Variants in DNM1 observed in about 807,000 individuals in gnomAD.
The protein encoded by DNM1 is dynamin-1.
Under a neutral mutation model 104.6 loss-of-function variants are expected in DNM1, and 29 were observed. The ratio of observed to expected loss-of-function variants is 0.28; its 90% CI spans 0.21 to 0.38. DNM1 has a LOEUF of 0.38. Among genes scored for constraint, DNM1 ranks in the 10% least tolerant of loss-of-function variants. The probability of loss-of-function intolerance (pLI) is 1.00; values close to 1 mark genes in which losing one functional copy is unlikely to be tolerated. For missense variants in DNM1, 640 were observed against 1,189.4 expected (o/e 0.54, Z 6.79); for synonymous variants, 445 against 475.8 (o/e 0.94, Z 0.84).
chr9:128,224,431 G>A lies in DNM1; in HGVS notation c.1335+42G>A, dbSNP rs765518541. ...GGCCAGCCCCCACCGCCTCTGCCCC[G>A]CCCTGCACTGCTGCCAGGCGCTCCT... On this transcript the variant is annotated intron_variant, in intron 10 of 21. Transcript: ENST00000372923. The surrounding 1 kb of genome is among the most constrained non-coding windows in gnomAD (Gnocchi z 4.3). The A allele has an allele frequency of 1.2e-5, 19 of 1,567,516 alleles. No homozygotes were observed. Among genetic ancestry groups the A allele is most frequent in the African/African-American group, 9.5e-5 (7 of 73,954 alleles).
chr9:128,210,123 G>T (rs955603773), intron 1 of DNM1, among the ~76,000 whole-genome samples: 4 of 152,016 alleles, frequency 2.6e-5, no homozygotes, highest in Non-Finnish European at 5.9e-5. Flanking sequence ...TTGGCTCACT[G>T]CAGCCTTGAC....
intron 10 of DNM1, among the ~76,000 whole-genome samples, chr9:128,226,410 G>A (rs2131191093): frequency 6.6e-6 from 1 of 152,372 alleles, no homozygotes; most frequent in South Asian, 2.1e-4. Context: ...TAGTGATGAA[G>A]ATGATGTTAA....
At chr9:128,204,514 GGAA>G (rs1833777990) in intron 1 of DNM1, 1 of 152,306 alleles carries the variant, frequency 6.6e-6, no homozygotes, top group African/African-American at 2.4e-5. Context: ...GGCGGAGAGA[GGAA>G]CAACCGCAAA....
Position 128,253,976 on chromosome 9 carries a change from C to A in DNM1, c.2535-678C>A. On this transcript the variant is annotated intron_variant, in intron 21 of 21. Transcript: ENST00000372923. The surrounding 1 kb of genome is among the most constrained non-coding windows in gnomAD (Gnocchi z 5.9). ...GTGAGCCCACCCCCCATTCTCCTGC[C>A]ACTGACTCTCGCTCTTCTGCTTTTC... 1.6e-6 allele frequency: 2 copies of A among 1,233,794 alleles called. No individual in the cohort carries two copies. The highest frequency in any genetic ancestry group is 2.0e-6 in the Non-Finnish European group (2 of 989,258). The allele number at this position is 1,233,794 out of a possible 1,614,324, so 76.4% of individuals were successfully genotyped here.
Position 128,247,465 on chromosome 9 carries a change from C to A in DNM1, c.1872C>A (p.Gly624=). 6.2e-7 allele frequency: 1 copy of A among 1,613,076 alleles called. No individual in the cohort carries two copies. Among genetic ancestry groups the A allele is most frequent in the Non-Finnish European group, 8.5e-7 (1 of 1,179,308 alleles). The part of the protein sequence containing the change: ...DSWKASFLRA[G]VYPERVGDKE... Reference sequence around the variant, plus strand: ...GGAAGGCCTCCTTCCTGAGGGCTGGCGTGTACCCTGAGCGTGTTGGGGTGA... The same window carrying A: ...GGAAGGCCTCCTTCCTGAGGGCTGGAGTGTACCCTGAGCGTGTTGGGGTGA... Residue 624 remains glycine, a synonymous_variant, in exon 17 of 22, where the codon GGC becomes GGA. Transcript: ENST00000372923. The surrounding 1 kb of genome is among the most constrained non-coding windows in gnomAD (Gnocchi z 5.1).
chr9:128,248,882 C>A lies in DNM1; in HGVS notation c.2076+129C>A. On this transcript the variant is annotated intron_variant, in intron 19 of 21. Transcript: ENST00000372923. The surrounding 1 kb of genome is among the most constrained non-coding windows in gnomAD (Gnocchi z 5.6). ...CCAGGGAGGGAGGCACGGTCCAGAC[C>A]AGAGCTGTCCAATAGAAATATCATG... is the stretch of plus-strand genomic sequence containing the variant. The A allele has an allele frequency of 1.0e-6, 1 of 988,182 alleles. No homozygotes were observed. The highest frequency in any genetic ancestry group is 1.5e-6 in the Non-Finnish European group (1 of 661,296). The allele number at this position is 988,182 out of a possible 1,614,324, so 61.2% of individuals were successfully genotyped here. A position where few individuals can be genotyped will look rare whatever the true frequency, so the allele number is the denominator to read the frequency against.
chr9:128,237,640 G>A, intron 11 of DNM1, among the ~76,000 whole-genome samples: 1 of 152,186 alleles, frequency 6.6e-6, no homozygotes. Context: ...TTCACCCTCA[G>A]ATGGCCACTG....
intron 1 of DNM1, among the ~76,000 whole-genome samples, chr9:128,209,756 T>C (rs1834180090): frequency 6.6e-6 from 1 of 152,182 alleles, no homozygotes; most frequent in Admixed American, 6.5e-5. Context: ...AGGACCCACC[T>C]TGGGCCTGGG....
chr9:128,211,498 T>C (rs924759810), intron 1 of DNM1, among the ~76,000 whole-genome samples: 303 of 103,868 alleles, frequency 2.9e-3, no homozygotes, highest in African/African-American at 9.3e-3. Context: ...TTTTTTTTTT[T>C]CTGTACAGAC....
Position 128,254,340 on chromosome 9 carries a change from G to A in DNM1, c.2535-314G>A, listed in dbSNP as rs1395712001. On this transcript the variant is annotated intron_variant, in intron 21 of 21. Transcript: ENST00000372923. This position sits in a 1 kb window ranked among gnomAD's most constrained non-coding sequence, Gnocchi z 6.1. ...CCAGAGAAGAGGGAAGCCCGAGGGG[G>A]CCGAGCATCAGCCTGAATTGCGGGT... The A allele has an allele frequency of 3.6e-6, 5 of 1,402,944 alleles. No individual in the cohort carries two copies. The highest frequency in any genetic ancestry group is 2.9e-5 in the African/African-American group (2 of 68,164). The allele number at this position is 1,402,944 out of a possible 1,614,324, so 86.9% of individuals were successfully genotyped here.
chr9:128,254,687 G>A lies in DNM1; in HGVS notation c.2568G>A (p.Glu856=). Residue 856 remains glutamate (E), a synonymous_variant, in exon 22 of 22, where the codon GAG becomes GAA. Transcript: ENST00000372923. This position sits in a 1 kb window ranked among gnomAD's most constrained non-coding sequence, Gnocchi z 6.1. The part of the protein sequence containing the change: ...RSGQASPSRP[E]SPRPPFDL ...GTCAGGCAAGTCCATCCCGTCCTGAGAGCCCCAGGCCCCCCTTCGACCTCT... is the reference window on the plus strand; with the variant it reads ...GTCAGGCAAGTCCATCCCGTCCTGAAAGCCCCAGGCCCCCCTTCGACCTCT... 5 of 1,595,736 alleles carry A rather than the reference G, an allele frequency of 3.1e-6. No homozygotes were observed. The highest frequency in any genetic ancestry group is 4.2e-6 in the Non-Finnish European group (5 of 1,179,544).
intron 1 of DNM1, among the ~76,000 whole-genome samples, chr9:128,205,518 C>T (rs1217218211): frequency 2.6e-5 from 4 of 152,232 alleles, no homozygotes; most frequent in Non-Finnish European, 4.4e-5. Flanking sequence ...AGCTGTTAGA[C>T]TCCAAAGCCC....
chr9:128,249,214 G>T (rs1373671337), intron 19 of DNM1, among the ~76,000 whole-genome samples: 1 of 148,148 alleles, frequency 6.8e-6, no homozygotes, highest in Non-Finnish European at 1.5e-5. Flanking sequence ...AAAAGAAGAA[G>T]AAATATAATG....
chr9:128,242,151 G>A (rs751762611), intron 14 of DNM1, 81 bp from the exon 15 acceptor site: 37 of 811,570 alleles, frequency 4.6e-5, no homozygotes, highest in Non-Finnish European at 7.8e-5. Flanking sequence ...GTGGGGTTTC[G>A]AATGCCTCTC....
chr9:128,215,910 A>G (rs1181139227), intron 1 of DNM1, among the ~76,000 whole-genome samples: 2 of 148,384 alleles, frequency 1.3e-5, no homozygotes, highest in African/African-American at 5.0e-5. Context: ...CCCAGCTTCT[A>G]TGAGAACAGC....
At chr9:128,226,027 G>C (rs747079285) in intron 10 of DNM1, 1 of 1,612,116 alleles carries the variant, frequency 6.2e-7, no homozygotes, top group South Asian at 1.1e-5. Context: ...CCTCCTCCCC[G>C]GGTGCAGGAC....
chr9:128,206,532 A>T (rs1206441418), intron 1 of DNM1, among the ~76,000 whole-genome samples: 1 of 152,082 alleles, frequency 6.6e-6, no homozygotes, highest in Non-Finnish European at 1.5e-5. Flanking sequence ...AACGTCAGGG[A>T]GGGGAGTGGG....
Position 128,248,526 on chromosome 9 carries a change from GC to G in DNM1, c.1906-55del. 1 of 1,585,774 alleles carries G rather than the reference GC, an allele frequency of 6.3e-7. No individual in the cohort carries two copies. The highest frequency in any genetic ancestry group is 1.3e-5 in the African/African-American group (1 of 74,550). ...TTGGAGGGGCTGAGATCCTGGGGATGCCTGGAGCCTGGCTGCATGGCCTGGC... is the reference window on the plus strand; with the variant it reads ...TTGGAGGGGCTGAGATCCTGGGGATGCTGGAGCCTGGCTGCATGGCCTGGC... On this transcript the variant is annotated intron_variant, in intron 18 of 21. Transcript: ENST00000372923. The surrounding 1 kb of genome is among the most constrained non-coding windows in gnomAD (Gnocchi z 5.6).
chr9:128,254,341 C>T lies in DNM1; in HGVS notation c.2535-313C>T, dbSNP rs1054367867. ...CAGAGAAGAGGGAAGCCCGAGGGGGCCGAGCATCAGCCTGAATTGCGGGTG... is the reference window on the plus strand; with the variant it reads ...CAGAGAAGAGGGAAGCCCGAGGGGGTCGAGCATCAGCCTGAATTGCGGGTG... On this transcript the variant is annotated intron_variant, in intron 21 of 21. Transcript: ENST00000372923. The surrounding 1 kb of genome is among the most constrained non-coding windows in gnomAD (Gnocchi z 6.1). 1.4e-6 allele frequency: 2 copies of T among 1,402,848 alleles called. No homozygotes were observed. Among genetic ancestry groups the T allele is most frequent in the Non-Finnish European group, 1.8e-6 (2 of 1,087,446 alleles). The allele number at this position is 1,402,848 out of a possible 1,614,324, so 86.9% of individuals were successfully genotyped here. A position where few individuals can be genotyped will look rare whatever the true frequency, so the allele number is the denominator to read the frequency against.
Sources: gnomAD v4.1 joint callset for allele counts (sites outside exome capture counted in the v4.1 genomes callset) on GRCh38, gnomAD v4.1.1 for gene constraint, Gnocchi (gnomAD v3.1) non-coding constraint, MANE v1.5 for transcripts, NCBI Gene and HGNC (gene_info 2026-07-23, HGNC 2026-07-21) for gene names.